PHLPP2: variants seen among roughly 807,000 people sequenced by gnomAD.
The protein encoded by PHLPP2 is PH domain leucine-rich repeat-containing protein phosphatase 2.
PHLPP2 carries 66 observed loss-of-function variants against 124.9 expected under a neutral mutation model. The ratio of observed to expected loss-of-function variants is 0.53; its 90% CI spans 0.43 to 0.65. The LOEUF (loss-of-function observed/expected upper bound fraction) is 0.65. Among genes scored for constraint, PHLPP2 ranks in the 30% least tolerant of loss-of-function variants. The pLI is 0.00. For synonymous variants in PHLPP2, 681 were observed against 624.7 expected, an observed-to-expected ratio of 1.09 and a Z score of -1.34; for missense variants, 1,685 against 1,600.4, an observed-to-expected ratio of 1.05 and a Z score of -0.90.
Position 71,648,839 on chromosome 16 carries a change from C to A in PHLPP2, c.*51G>T, listed in dbSNP as rs534044390. 2.3e-4 allele frequency: 316 copies of A among 1,364,672 alleles called. 5 individuals carry two copies. The South Asian group carries it at 3.6e-3, about 16-fold the overall frequency. 84.5% of individuals were successfully genotyped at this position (1,364,672 alleles called of 1,614,324 possible). On this transcript the variant is annotated 3_prime_UTR_variant, in exon 19 of 19. Coordinates refer to ENST00000568954, the MANE Select transcript of PHLPP2 (RefSeq NM_015020.3). ...TAGAGGCAGAATGCCTCTAGCAAGTCCCTACCCCAACCCTGCACAGCCTCC... is the reference window on the plus strand; with the variant it reads ...TAGAGGCAGAATGCCTCTAGCAAGTACCTACCCCAACCCTGCACAGCCTCC...
At chr16:71,679,777 C>A (rs1345234472) in intron 6 of PHLPP2, among the ~76,000 whole-genome samples, 1 of 152,116 alleles carries the variant, frequency 6.6e-6, no homozygotes, top group African/African-American at 2.4e-5. Flanking sequence ...GCTCTCTTTT[C>A]TCCTTAAAAA....
At chr16:71,657,805 G>A (rs904979847) in intron 15 of PHLPP2, among the ~76,000 whole-genome samples, 2 of 152,212 alleles carry the variant, frequency 1.3e-5, no homozygotes, top group African/African-American at 4.8e-5. Context: ...GGAGAGAAAG[G>A]AAAGGGGTAG....
rs549607890 is a variant in PHLPP2, at chr16:71,660,096, G to A, written c.1986-1281C>T. ...AAAACTGAAAAATAGAGACAAACAGGAAAAAAAATCTTTTAATGCTACTTC... is the reference window on the plus strand; with the variant it reads ...AAAACTGAAAAATAGAGACAAACAGAAAAAAAAATCTTTTAATGCTACTTC... On this transcript the variant is annotated intron_variant, in intron 13 of 18. Coordinates refer to ENST00000568954, the MANE Select transcript of PHLPP2 (RefSeq NM_015020.3). Among the ~76,000 whole-genome samples, 44 of 150,608 alleles carry A rather than the reference G, an allele frequency of 2.9e-4. 1 individual carries two copies. In the South Asian group the frequency reaches 9.0e-3, roughly 31 times the overall value.
In PHLPP2 at chr16:71,655,474, T is replaced by C. The variant is rs755729677; in HGVS notation, c.2391-40A>G. On this transcript the variant is annotated intron_variant, in intron 16 of 18. Transcript: ENST00000568954. The stretch of plus-strand genomic sequence containing the variant: ...TGAAAACAGAAAACAGAAAAGTTAC[T>C]GGTAAAATATTATTCTCCAGGGAGC... The C allele has an allele frequency of 5.0e-6, 7 of 1,394,496 alleles. No homozygotes were observed. The South Asian group carries it at 6.0e-5, about 12-fold the overall frequency. 86.4% of individuals were successfully genotyped at this position (1,394,496 alleles called of 1,614,324 possible). A position where few individuals can be genotyped will look rare whatever the true frequency, so the allele number is the denominator to read the frequency against.
intron 1 of PHLPP2, among the ~76,000 whole-genome samples, chr16:71,722,204 G>A (rs1431367020): frequency 2.0e-5 from 3 of 152,098 alleles, no homozygotes; most frequent in African/African-American, 7.2e-5. Context: ...GGCCAAGGCG[G>A]GCGGATCACT....
chr16:71,665,714 C>T (rs1288554731), intron 12 of PHLPP2, among the ~76,000 whole-genome samples: 1 of 152,180 alleles, frequency 6.6e-6, no homozygotes, highest in East Asian at 1.9e-4. Flanking sequence ...AAGTTACTCA[C>T]TAAAGATTCT....
intron 2 of PHLPP2, among the ~76,000 whole-genome samples, chr16:71,710,203 T>C (rs1017916212): frequency 6.6e-6 from 1 of 152,040 alleles, no homozygotes; most frequent in African/African-American, 2.4e-5. Context: ...CTGTAACTCT[T>C]CCCAGCAGTT....
At chr16:71,655,147 GT>G in intron 17 of PHLPP2, 92 bp downstream of exon 17, 1 of 806,486 alleles carries the variant, frequency 1.2e-6, no homozygotes. Context: ...CCTTGATCCT[GT>G]ATCCATAATT....
chr16:71,699,641 C>T (rs912834204), intron 3 of PHLPP2, among the ~76,000 whole-genome samples: 8 of 152,114 alleles, frequency 5.3e-5, no homozygotes, highest in Non-Finnish European at 8.8e-5. Flanking sequence ...CACCAAGTGC[C>T]GGTATTCAAA....
At chr16:71,686,478 C>T (rs769038252) in intron 4 of PHLPP2, among the ~76,000 whole-genome samples, 1 of 151,936 alleles carries the variant, frequency 6.6e-6, no homozygotes, top group Non-Finnish European at 1.5e-5. Flanking sequence ...CATGCCTGGC[C>T]TTGATTTTTT....
intron 1 of PHLPP2, chr16:71,723,825 G>A (rs2045415064): frequency 3.2e-6 from 4 of 1,260,520 alleles, no homozygotes; most frequent in Admixed American, 8.4e-5. Context: ...GGCGGCTCCG[G>A]GGGCTCCAGC....
intron 13 of PHLPP2, among the ~76,000 whole-genome samples, chr16:71,661,262 G>A (rs974676287): frequency 7.9e-5 from 12 of 151,522 alleles, no homozygotes; most frequent in Non-Finnish European, 1.8e-4. Context: ...GTAGAGACAG[G>A]GTTTCACCAT....
chr16:71,718,264 C>T (rs1324158670), intron 1 of PHLPP2, among the ~76,000 whole-genome samples: 1 of 152,034 alleles, frequency 6.6e-6, no homozygotes, highest in Non-Finnish European at 1.5e-5. Context: ...TTATAAATTC[C>T]TTAAGGAACT....
At position 71,679,578 on chromosome 16, in the gene PHLPP2, C is replaced by G. The variant is rs201848563; in HGVS notation, c.891-43G>C. ...AAATGGGTATTGCATTTCAATACAT[C>G]TATTACTGTATCTTTACAAGGGACA... On this transcript the variant is annotated intron_variant, in intron 6 of 18. Transcript: ENST00000568954. 29 of 1,533,060 alleles carry G rather than the reference C, an allele frequency of 1.9e-5. 1 individual carries two copies. The East Asian group carries it at 5.9e-4, about 31-fold the overall frequency. The allele number at this position is 1,533,060 out of a possible 1,614,324, so 95.0% of individuals were successfully genotyped here.
At chr16:71,719,963 A>ATTTTTTTTTT (rs2045387562) in intron 1 of PHLPP2, among the ~76,000 whole-genome samples, 1 of 31,300 alleles carries the variant, frequency 3.2e-5, no homozygotes, top group African/African-American at 1.6e-4. Flanking sequence ...ATGCCCAGCT[A>ATTTTTTTTTT]ATTTTTTTTT....
At chr16:71,664,135 G>C (rs774970900) in intron 12 of PHLPP2, 36 bp from the exon 13 acceptor site, 119 of 1,404,860 alleles carry the variant, frequency 8.5e-5, no homozygotes, top group Non-Finnish European at 1.1e-4. Context: ...CCTCCTTTAA[G>C]TTTATTTGCT....
chr16:71,694,443 A>G (rs1158775337), intron 3 of PHLPP2, among the ~76,000 whole-genome samples: 3 of 152,324 alleles, frequency 2.0e-5, no homozygotes, highest in Non-Finnish European at 4.4e-5. Flanking sequence ...CCTGGGCAAC[A>G]GAGCAAGACT....
In PHLPP2 at chr16:71,652,855, A is replaced by C; in HGVS notation, c.2752T>G (p.Phe918Val). 1.2e-6 allele frequency: 2 copies of C among 1,614,114 alleles called. No homozygotes were observed. The highest frequency in any genetic ancestry group is 1.7e-6 in the Non-Finnish European group (2 of 1,180,020). ...TCCTCTGGGTCCTGCTCCAGGCTGA[A>C]GACTTTAGAGAGGGGCACTGGCTTC... ...GGKPVPLSKV[F>V]SLEQDPEEAQ... The change falls in exon 18 of 19, where the codon TTC (phenylalanine) becomes GTC (valine). Residue 918 changes from phenylalanine to valine, a missense_variant. Physicochemically the swap from Phe to Val is conservative, Grantham distance 50 (BLOSUM62 -1). Transcript: ENST00000568954.
intron 2 of PHLPP2, among the ~76,000 whole-genome samples, chr16:71,706,806 T>C (rs569309839): frequency 1.3e-5 from 2 of 152,216 alleles, no homozygotes; most frequent in South Asian, 2.1e-4. Context: ...ATTTTATATA[T>C]AGTTAAAATA....
Sources: allele counts gnomAD v4.1 joint callset (sites outside exome capture counted in the v4.1 genomes callset), GRCh38; gene constraint gnomAD v4.1.1; transcripts MANE v1.5; gene names NCBI Gene and HGNC (gene_info 2026-07-23, HGNC 2026-07-21).